The following COL26A1 variants were observed in gnomAD, a reference collection of about 807,000 sequenced individuals.
COL26A1 encodes the protein collagen alpha-1(XXVI) chain.
COL26A1 carries 41 observed loss-of-function variants against 59.3 expected under a neutral mutation model. The observed-to-expected ratio is 0.69, with a 90% CI of 0.54 to 0.90. The LOEUF is 0.90. Among genes scored for constraint, COL26A1 ranks in the 40% least tolerant of loss-of-function variants. COL26A1 has a pLI of 0.00. For missense variants in COL26A1, 612 were observed against 602.3 expected, an observed-to-expected ratio of 1.02 and a Z score of -0.17; for synonymous variants, 266 against 256.0, an observed-to-expected ratio of 1.04 and a Z score of -0.37.
At chr7:101,375,556 C>G (rs1243591391) in intron 1 of COL26A1, among the ~76,000 whole-genome samples, 1 of 151,670 alleles carries the variant, frequency 6.6e-6, no homozygotes, top group Non-Finnish European at 1.5e-5. Context: ...AAAAATTAGC[C>G]AGGTGTGGTA....
chr7:101,454,350 C>G (rs1793417447), intron 3 of COL26A1, among the ~76,000 whole-genome samples: 1 of 151,358 alleles, frequency 6.6e-6, no homozygotes, highest in Non-Finnish European at 1.5e-5. Flanking sequence ...CTGCAACCTC[C>G]CAGGTTCAAG....
At chr7:101,508,376 T>G (rs1360945221) in intron 3 of COL26A1, among the ~76,000 whole-genome samples, 1 of 151,862 alleles carries the variant, frequency 6.6e-6, no homozygotes, top group Non-Finnish European at 1.5e-5. Flanking sequence ...AGAAAAATCA[T>G]CCAGGCGTGG....
At chr7:101,402,741 T>TCCTC (rs142525615) in intron 1 of COL26A1, among the ~76,000 whole-genome samples, 59 of 121,154 alleles carry the variant, frequency 4.9e-4, no homozygotes, top group African/African-American at 1.6e-3. Flanking sequence ...TTCCCTTCCT[T>TCCTC]CCTCCCTCCC....
intron 3 of COL26A1, among the ~76,000 whole-genome samples, chr7:101,530,762 C>G (rs1795349867): frequency 6.6e-6 from 1 of 151,814 alleles, no homozygotes; most frequent in Non-Finnish European, 1.5e-5. Flanking sequence ...CTCCTCTGCC[C>G]CATCTGGGGC....
chr7:101,440,372 A>G (rs919436384), intron 2 of COL26A1, among the ~76,000 whole-genome samples: 2 of 152,278 alleles, frequency 1.3e-5, no homozygotes, highest in Admixed American at 6.5e-5. Flanking sequence ...TCTCAAAACA[A>G]AAAAACAACA....
chr7:101,474,451 G>T (rs964321535), intron 3 of COL26A1, among the ~76,000 whole-genome samples: 2 of 151,812 alleles, frequency 1.3e-5, no homozygotes, highest in African/African-American at 4.8e-5. Context: ...AATTAGCCAG[G>T]TATGGTGTCA....
intron 12 of COL26A1, 134 bp from the exon 13 acceptor site, chr7:101,557,236 G>A: frequency 2.5e-6 from 2 of 794,182 alleles, no homozygotes; most frequent in East Asian, 2.7e-5. Context: ...TGCATAAGGG[G>A]CTGAAAGCCT....
chr7:101,492,394 A>T lies in COL26A1; in HGVS notation c.386-40688A>T, dbSNP rs568529631. On this transcript the variant is annotated intron_variant, in intron 3 of 12. Coordinates refer to ENST00000313669, the MANE Select transcript of COL26A1 (RefSeq NM_001278563.3). The stretch of plus-strand genomic sequence containing the variant: ...TTTTACTTTAAAACAATTATTTATT[A>T]TTTTTTAAAATAGAGTTGCAGGCCG... Among the ~76,000 whole-genome samples the T allele has an allele frequency of 3.5e-3, 532 of 152,072 alleles. 3 individuals are homozygous for T. The highest frequency in any genetic ancestry group is 0.012 in the African/African-American group (496 of 41,484).
chr7:101,428,618 T>C (rs1372881718), intron 2 of COL26A1, among the ~76,000 whole-genome samples: 10 of 151,874 alleles, frequency 6.6e-5, no homozygotes, highest in Admixed American at 6.6e-4. Flanking sequence ...ATGTGTAAGG[T>C]TGTGGTGGAC....
intron 2 of COL26A1, among the ~76,000 whole-genome samples, chr7:101,438,360 C>CAA (rs202154366): frequency 6.8e-6 from 1 of 147,660 alleles, no homozygotes; most frequent in African/African-American, 2.5e-5. Context: ...GACTCCGTCT[C>CAA]AAAAAAAAAT....
At chr7:101,440,117 G>A (rs974001924) in intron 2 of COL26A1, among the ~76,000 whole-genome samples, 7 of 152,174 alleles carry the variant, frequency 4.6e-5, no homozygotes, top group Non-Finnish European at 1.0e-4. Flanking sequence ...TGTAATCCCA[G>A]CACTTTGGGA....
At chr7:101,362,844 T>G, upstream of COL26A1, 1 of 577,908 alleles carries the variant, frequency 1.7e-6, no homozygotes, top group East Asian at 3.3e-5. Context: ...CCTCGCCGAA[T>G]TTGAAAAGGC....
chr7:101,481,965 T>C (rs887090878), intron 3 of COL26A1, among the ~76,000 whole-genome samples: 1 of 151,950 alleles, frequency 6.6e-6, no homozygotes, highest in Non-Finnish European at 1.5e-5. Context: ...AAGTGCACCA[T>C]AAATGCTAAC....
At chr7:101,433,788 G>T (rs1237667275) in intron 2 of COL26A1, among the ~76,000 whole-genome samples, 2 of 152,080 alleles carry the variant, frequency 1.3e-5, no homozygotes, top group Non-Finnish European at 2.9e-5. Context: ...TGCCCACGCA[G>T]GGGGATCCAC....
intron 2 of COL26A1, among the ~76,000 whole-genome samples, chr7:101,446,572 T>G (rs1793200005): frequency 6.6e-6 from 1 of 152,044 alleles, no homozygotes; most frequent in African/African-American, 2.4e-5. Context: ...GATGGCCGGG[T>G]GCCATGGCTT....
chr7:101,370,915 G>T (rs887653293), intron 1 of COL26A1, among the ~76,000 whole-genome samples: 10 of 152,086 alleles, frequency 6.6e-5, no homozygotes, highest in African/African-American at 2.2e-4. Flanking sequence ...CCTGTGATTT[G>T]TGGGTAGCCC....
chr7:101,421,102 G>A (rs1792508905), intron 2 of COL26A1, among the ~76,000 whole-genome samples: 1 of 152,168 alleles, frequency 6.6e-6, no homozygotes, highest in Admixed American at 6.6e-5. Context: ...AGAACCAATA[G>A]GAAGGGATGG....
intron 2 of COL26A1, among the ~76,000 whole-genome samples, chr7:101,440,352 C>T (rs973564603): frequency 5.9e-5 from 9 of 152,112 alleles, no homozygotes; most frequent in East Asian, 1.9e-4. Flanking sequence ...GGCAACAGAG[C>T]GAGACTCTGT....
chr7:101,489,903 T>C (rs1794415853), intron 3 of COL26A1, among the ~76,000 whole-genome samples: 2 of 97,828 alleles, frequency 2.0e-5, no homozygotes, highest in African/African-American at 4.4e-5. Flanking sequence ...TCTTTCTTTC[T>C]TTCTTTCTTT....
Sources: gnomAD v4.1 joint callset for allele counts (sites outside exome capture counted in the v4.1 genomes callset) on GRCh38, gnomAD v4.1.1 for gene constraint, MANE v1.5 for transcripts, NCBI Gene and HGNC (gene_info 2026-07-23, HGNC 2026-07-21) for gene names.